The following MSI2 variants were observed in gnomAD, a reference collection of about 807,000 sequenced individuals.
MSI2 encodes the protein RNA-binding protein Musashi homolog 2.
A neutral mutation model predicts 45.6 loss-of-function variants in MSI2; 17 were observed. The ratio of observed to expected loss-of-function variants is 0.37; its 90% CI spans 0.26 to 0.56. The LOEUF (loss-of-function observed/expected upper bound fraction) is 0.56, where lower values mean the gene tolerates loss of function less well. MSI2 is among the 20% of genes least tolerant of loss of function. The pLI is 0.77. For synonymous variants in MSI2, 156 were observed against 158.2 expected (o/e 0.99, Z 0.11); for missense variants, 293 against 444.2 (o/e 0.66, Z 3.06).
intron 9 of MSI2, among the ~76,000 whole-genome samples, chr17:57,621,387 C>A (rs1467815028): frequency 6.6e-6 from 1 of 152,192 alleles, no homozygotes; most frequent in Non-Finnish European, 1.5e-5. Context: ...AATAGCACTT[C>A]TAGGGATTTT....
intron 6 of MSI2, among the ~76,000 whole-genome samples, chr17:57,485,510 A>T (rs1270741641): frequency 1.3e-5 from 2 of 152,214 alleles, no homozygotes; most frequent in Non-Finnish European, 2.9e-5. Context: ...GGGAAGGAAT[A>T]CTGATCTCCC....
intron 6 of MSI2, among the ~76,000 whole-genome samples, chr17:57,446,304 G>A (rs766058481): frequency 5.9e-5 from 9 of 152,150 alleles, no homozygotes; most frequent in Non-Finnish European, 1.3e-4. Context: ...AGGAAGGAGG[G>A]GGAGCTGGCG....
chr17:57,645,530 G>T (rs530129063), intron 10 of MSI2, among the ~76,000 whole-genome samples: 2 of 151,862 alleles, frequency 1.3e-5, no homozygotes, highest in African/African-American at 4.8e-5. Context: ...CCGCCTCCTG[G>T]GTTCAAGTGA....
intron 7 of MSI2, among the ~76,000 whole-genome samples, chr17:57,583,347 A>G (rs919413501): frequency 3.9e-5 from 6 of 152,176 alleles, no homozygotes; most frequent in Non-Finnish European, 7.4e-5. Flanking sequence ...GCTTATAAGG[A>G]CAAGTGTCTT....
rs1913477092 is a variant in MSI2, at chr17:57,679,595, C to G, written c.*78C>G. 1.9e-6 allele frequency: 2 copies of G among 1,062,390 alleles called. No individual in the cohort carries two copies. The highest frequency in any genetic ancestry group is 2.3e-6 in the Non-Finnish European group (2 of 877,280). 65.8% of individuals were successfully genotyped at this position (1,062,390 alleles called of 1,614,324 possible). A position where few individuals can be genotyped will look rare whatever the true frequency, so the allele number is the denominator to read the frequency against. On this transcript the variant is annotated 3_prime_UTR_variant, in exon 14 of 14. Transcript: ENST00000284073. ...AAGACTGGGCGAAGTTTCTGAGTGG[C>G]CCTTTGTTTAGGTGATGTCCTCAGA...
chr17:57,530,197 C>T (rs1415620241), intron 7 of MSI2, among the ~76,000 whole-genome samples: 5 of 152,148 alleles, frequency 3.3e-5, no homozygotes, highest in African/African-American at 1.2e-4. Context: ...GGGAATGCTC[C>T]GTGGGGCCTC....
At chr17:57,470,104 C>T (rs1011313380) in intron 6 of MSI2, among the ~76,000 whole-genome samples, 10 of 152,164 alleles carry the variant, frequency 6.6e-5, no homozygotes, top group Admixed American at 2.6e-4. Context: ...GCGGGCCTGT[C>T]AGGTGCTGTC....
At chr17:57,614,765 T>TA (rs1293158867) in intron 8 of MSI2, among the ~76,000 whole-genome samples, 1 of 152,208 alleles carries the variant, frequency 6.6e-6, no homozygotes, top group Non-Finnish European at 1.5e-5. Flanking sequence ...GGCGCTCTGG[T>TA]AAAACAGTGA....
chr17:57,420,862 C>T (rs951328452), intron 6 of MSI2, among the ~76,000 whole-genome samples: 2 of 152,224 alleles, frequency 1.3e-5, no homozygotes, highest in Non-Finnish European at 2.9e-5. Flanking sequence ...CCTCCGCAAA[C>T]GCAGTAACAA....
Position 57,256,551 on chromosome 17 carries a change from G to A in MSI2, c.-192G>A, listed in dbSNP as rs1379437151. 4.4e-5 allele frequency: 16 copies of A among 364,536 alleles called. No individual in the cohort carries two copies. The highest frequency in any genetic ancestry group is 4.8e-5 in the Non-Finnish European group (10 of 206,844). The allele number at this position is 364,536 out of a possible 1,614,324, so 22.6% of individuals were successfully genotyped here. The stretch of plus-strand genomic sequence containing the variant: ...CGAGGCAGCGGGGCTGAGCTAAGCC[G>A]AGCCCACGTGTGACGGCTCTCGCCG... On this transcript the variant is annotated 5_prime_UTR_variant, in exon 1 of 14. Coordinates refer to ENST00000284073, the MANE Select transcript of MSI2 (RefSeq NM_138962.4).
chr17:57,376,922 C>CT lies in MSI2; in HGVS notation c.313-24441dup, dbSNP rs1209135893. On this transcript the variant is annotated intron_variant, in intron 5 of 13. Coordinates refer to ENST00000284073, the MANE Select transcript of MSI2 (RefSeq NM_138962.4). The stretch of plus-strand genomic sequence containing the variant: ...GGGTGTCACGTTGACCTGCAAGTGC[C>CT]TTTTTTTTTTTTTTTTGAGACGGAG... Among the ~76,000 whole-genome samples, 430 of 123,960 alleles carry CT rather than the reference C, an allele frequency of 3.5e-3. 2 individuals carry two copies. The highest frequency in any genetic ancestry group is 0.016 in the Middle Eastern group (4 of 254). The allele number at this position is 123,960 out of a possible 152,430, so 81.3% of individuals were successfully genotyped here.
At chr17:57,634,073 A>G (rs938648354) in intron 10 of MSI2, among the ~76,000 whole-genome samples, 5 of 152,222 alleles carry the variant, frequency 3.3e-5, no homozygotes, top group African/African-American at 9.7e-5. Context: ...CTGGACATGA[A>G]TAAGACTGAC....
intron 7 of MSI2, among the ~76,000 whole-genome samples, chr17:57,545,377 C>A (rs909853471): frequency 1.7e-4 from 26 of 152,168 alleles, no homozygotes; most frequent in African/African-American, 6.3e-4. Context: ...TAGCAGTGAA[C>A]CAGCTACCAT....
intron 5 of MSI2, among the ~76,000 whole-genome samples, chr17:57,391,278 T>C (rs1435649206): frequency 6.6e-6 from 1 of 152,162 alleles, no homozygotes; most frequent in Non-Finnish European, 1.5e-5. Context: ...AGAACCCTTG[T>C]GTGGATGGTG....
intron 6 of MSI2, among the ~76,000 whole-genome samples, chr17:57,476,564 A>C (rs906505188): frequency 9.8e-5 from 15 of 152,316 alleles, no homozygotes; most frequent in Non-Finnish European, 1.9e-4. Flanking sequence ...TTAACAGTTC[A>C]GTACAGAGGT....
intron 13 of MSI2, 71 bp from the exon 14 acceptor site, chr17:57,679,478 C>G: frequency 2.7e-5 from 22 of 820,034 alleles, no homozygotes; most frequent in African/African-American, 5.4e-5. Flanking sequence ...TTGTCTGACA[C>G]TTCTTTCTCC....
chr17:57,315,828 G>T (rs1013280393), intron 5 of MSI2, among the ~76,000 whole-genome samples: 1 of 152,108 alleles, frequency 6.6e-6, no homozygotes, highest in Non-Finnish European at 1.5e-5. Flanking sequence ...AATTAGATTT[G>T]TGCTGTTTGG....
chr17:57,468,531 A>C (rs1459586525), intron 6 of MSI2, among the ~76,000 whole-genome samples: 1 of 151,054 alleles, frequency 6.6e-6, no homozygotes, highest in Non-Finnish European at 1.5e-5. Flanking sequence ...AAAAAAAAAA[A>C]AAAAAAACAA....
chr17:57,679,673 G>A lies in MSI2; in HGVS notation c.*156G>A, dbSNP rs988175528. ...ATCCCAACCAGAGATGGCTCACTTCGGATCGAGGGTTGACTACATCTCATC... is the reference window on the plus strand; with the variant it reads ...ATCCCAACCAGAGATGGCTCACTTCAGATCGAGGGTTGACTACATCTCATC... On this transcript the variant is annotated 3_prime_UTR_variant, in exon 14 of 14. Transcript: ENST00000284073. 1.2e-5 allele frequency: 12 copies of A among 964,364 alleles called. No individual in the cohort carries two copies. Among genetic ancestry groups the A allele is most frequent in the South Asian group, 1.0e-4 (2 of 19,886 alleles). 59.7% of individuals were successfully genotyped at this position (964,364 alleles called of 1,614,324 possible). A position where few individuals can be genotyped will look rare whatever the true frequency, so the allele number is the denominator to read the frequency against.
Sources: gnomAD v4.1 joint callset for allele counts (sites outside exome capture counted in the v4.1 genomes callset) on GRCh38, gnomAD v4.1.1 for gene constraint, MANE v1.5 for transcripts, NCBI Gene and HGNC (gene_info 2026-07-23, HGNC 2026-07-21) for gene names.